TNKS2: variants seen among roughly 807,000 people sequenced by gnomAD.
TNKS2 encodes the protein tankyrase 2, also known as poly [ADP-ribose] polymerase tankyrase-2.
Under a neutral mutation model 137.6 loss-of-function variants are expected in TNKS2, and 72 were observed. The observed-to-expected ratio is 0.52, with a 90% CI of 0.43 to 0.64. The LOEUF is 0.64. Among genes scored for constraint, TNKS2 ranks in the 30% least tolerant of loss-of-function variants. The pLI is 0.00. For synonymous variants in TNKS2, 516 were observed against 512.1 expected, an observed-to-expected ratio of 1.01 and a Z score of -0.10; for missense variants, 1,049 against 1,410.2, an observed-to-expected ratio of 0.74 and a Z score of 4.10.
At chr10:91,817,585 C>T (rs1341846824) in intron 3 of TNKS2, among the ~76,000 whole-genome samples, 1 of 152,086 alleles carries the variant, frequency 6.6e-6, no homozygotes, top group African/African-American at 2.4e-5. Context: ...CTAACCCAAA[C>T]TTCAAAACAC....
intron 21 of TNKS2, among the ~76,000 whole-genome samples, chr10:91,853,753 C>T (rs1842623622): frequency 6.6e-6 from 1 of 152,238 alleles, no homozygotes. Context: ...AGTTCAGCCA[C>T]TTCTGTAAGT....
chr10:91,856,215 T>C (rs1444618705), intron 23 of TNKS2, among the ~76,000 whole-genome samples: 1 of 152,238 alleles, frequency 6.6e-6, no homozygotes, highest in African/African-American at 2.4e-5. Flanking sequence ...GTTACTCTTC[T>C]TAGGAACTTT....
chr10:91,855,554 C>A, intron 22 of TNKS2, 60 bp from the exon 23 acceptor site: 1 of 1,333,822 alleles, frequency 7.5e-7, no homozygotes, highest in South Asian at 1.3e-5. Flanking sequence ...ACCATGTTCC[C>A]CAAATCAGAA....
intron 11 of TNKS2, among the ~76,000 whole-genome samples, chr10:91,832,392 T>G (rs1047182373): frequency 6.6e-6 from 1 of 152,114 alleles, no homozygotes; most frequent in Non-Finnish European, 1.5e-5. Context: ...CACAGGACTT[T>G]CAGTGCTAAA....
chr10:91,821,282 T>G (rs1844882735), intron 6 of TNKS2, among the ~76,000 whole-genome samples: 1 of 151,976 alleles, frequency 6.6e-6, no homozygotes, highest in South Asian at 2.1e-4. Context: ...ATCACCTGGC[T>G]CGGCCTCCCA....
chr10:91,807,803 G>A (rs2133590796), intron 1 of TNKS2, among the ~76,000 whole-genome samples: 1 of 152,164 alleles, frequency 6.6e-6, no homozygotes, highest in South Asian at 2.1e-4. Context: ...GACCATCCTG[G>A]CTAACATGGT....
intron 13 of TNKS2, among the ~76,000 whole-genome samples, chr10:91,838,372 C>A (rs914466397): frequency 6.6e-6 from 1 of 152,100 alleles, no homozygotes; most frequent in East Asian, 1.9e-4. Context: ...TTCTTATCTA[C>A]CTCCAGACAG....
chr10:91,861,547 C>T (rs1842850644), intron 25 of TNKS2, among the ~76,000 whole-genome samples: 2 of 152,306 alleles, frequency 1.3e-5, no homozygotes, highest in Non-Finnish European at 2.9e-5. Flanking sequence ...GTGAATATTT[C>T]AGTGATTTGA....
At chr10:91,837,403 C>T (rs1050780925) in intron 13 of TNKS2, among the ~76,000 whole-genome samples, 7 of 152,178 alleles carry the variant, frequency 4.6e-5, no homozygotes, top group African/African-American at 9.7e-5. Flanking sequence ...TTCATTTCTT[C>T]ACCCCATCTA....
At chr10:91,847,725 A>G (rs1257922148) in intron 18 of TNKS2, among the ~76,000 whole-genome samples, 1 of 152,252 alleles carries the variant, frequency 6.6e-6, no homozygotes, top group Non-Finnish European at 1.5e-5. Flanking sequence ...TTCAGTTTTA[A>G]GGAACAAATA....
At chr10:91,821,011 T>G (rs1287972114) in intron 6 of TNKS2, among the ~76,000 whole-genome samples, 3 of 152,076 alleles carry the variant, frequency 2.0e-5, no homozygotes, top group African/African-American at 7.2e-5. Context: ...GAACTCTTAG[T>G]TTTTTTATTT....
intron 21 of TNKS2, among the ~76,000 whole-genome samples, chr10:91,853,928 A>G (rs1045631826): frequency 2.0e-5 from 3 of 152,224 alleles, no homozygotes; most frequent in Non-Finnish European, 4.4e-5. Context: ...ATTGTTGTAG[A>G]GATTAAAGGA....
chr10:91,830,803 G>A (rs761209892), intron 9 of TNKS2, 120 bp from the exon 10 acceptor site: 16 of 851,460 alleles, frequency 1.9e-5, no homozygotes, highest in Non-Finnish European at 2.7e-5. Flanking sequence ...GAGCAAAGTT[G>A]CGTCAAAAGT....
At chr10:91,847,136 A>T (rs1202446388) in intron 18 of TNKS2, among the ~76,000 whole-genome samples, 1 of 152,200 alleles carries the variant, frequency 6.6e-6, no homozygotes, top group African/African-American at 2.4e-5. Context: ...ATTATAAACA[A>T]ATGTCATTTA....
intron 2 of TNKS2, among the ~76,000 whole-genome samples, chr10:91,815,476 TAG>T (rs1204917614): frequency 3.3e-5 from 3 of 90,928 alleles, no homozygotes; most frequent in African/African-American, 1.7e-4. Context: ...TTTAATAATG[TAG>T]AGTTTTCCAG....
In TNKS2 at chr10:91,798,627, C is replaced by T; in HGVS notation, c.-64C>T. The stretch of plus-strand genomic sequence containing the variant: ...CTCCGGGGGGCCTCGCCCTCCTGCT[C>T]GCGGGGCCGGGGCTCCTGCTCCGGT... On this transcript the variant is annotated 5_prime_UTR_variant, in exon 1 of 27. Coordinates refer to ENST00000371627, the MANE Select transcript of TNKS2 (RefSeq NM_025235.4). 8.3e-7 allele frequency: 1 copy of T among 1,209,340 alleles called. No homozygotes were observed. The allele number at this position is 1,209,340 out of a possible 1,614,324, so 74.9% of individuals were successfully genotyped here.
At chr10:91,818,876 T>C (rs766734784) in intron 3 of TNKS2, among the ~76,000 whole-genome samples, 3 of 152,182 alleles carry the variant, frequency 2.0e-5, no homozygotes, top group Non-Finnish European at 4.4e-5. Flanking sequence ...TTTGTTTCTC[T>C]GTTATAAAAA....
rs1844054027 is a variant in TNKS2, at chr10:91,798,778, G to A, written c.88G>A (p.Glu30Lys). 2.3e-6 allele frequency: 3 copies of A among 1,290,734 alleles called. No homozygotes were observed. The highest frequency in any genetic ancestry group is 3.0e-6 in the Non-Finnish European group (3 of 1,010,376). 80.0% of individuals were successfully genotyped at this position (1,290,734 alleles called of 1,614,324 possible). The change falls in exon 1 of 27, where the codon GAG becomes AAG. Residue 30 changes from glutamate (E) to lysine (K), a missense_variant. This residue lies in a region of TNKS2 where 374 missense variants were observed against 460.8 expected (regional missense o/e 0.81). Coordinates refer to ENST00000371627, the MANE Select transcript of TNKS2 (RefSeq NM_025235.4). ...AVEPAARELF[E>K]ACRNGDVERV... ...GGAGCCGGCCGCCCGAGAGCTGTTC[G>A]AGGCGTGCCGCAACGGGGACGTGGA...
intron 2 of TNKS2, among the ~76,000 whole-genome samples, chr10:91,814,101 A>G (rs899783503): frequency 6.6e-6 from 1 of 152,168 alleles, no homozygotes; most frequent in Non-Finnish European, 1.5e-5. Flanking sequence ...AGAAGAAGAC[A>G]TTATTATAGG....
Sources: allele counts gnomAD v4.1 joint callset (sites outside exome capture counted in the v4.1 genomes callset), GRCh38; gene constraint gnomAD v4.1.1; regional missense constraint gnomAD v4.1.1; transcripts MANE v1.5; gene names NCBI Gene and HGNC (gene_info 2026-07-23, HGNC 2026-07-21).